Variants in NHSL2 observed in about 807,000 individuals in gnomAD.
NHSL2 encodes the protein NHS-like protein 2.
NHSL2 carries 27 observed loss-of-function variants against 53.4 expected under a neutral mutation model. The ratio of observed to expected loss-of-function variants is 0.51; its 90% CI spans 0.37 to 0.70. The LOEUF (loss-of-function observed/expected upper bound fraction) is 0.70, where lower values mean the gene tolerates loss of function less well. NHSL2 is among the 30% of genes least tolerant of loss of function. NHSL2 has a pLI of 0.00. For missense variants in NHSL2, 892 were observed against 980.1 expected (o/e 0.91, Z 1.20); for synonymous variants, 408 against 404.1 (o/e 1.01, Z -0.12).
At chrX:72,112,984 C>T (rs1039379074) in intron 1 of NHSL2, among the ~76,000 whole-genome samples, 2 of 111,681 alleles carry the variant, frequency 1.8e-5, no homozygotes, top group East Asian at 2.8e-4. Flanking sequence ...GCTACCATGC[C>T]CAAACTTTAT....
At chrX:72,143,161 C>A in intron 7 of NHSL2, 92 bp from the exon 8 acceptor site, 1 of 615,244 alleles carries the variant, frequency 1.6e-6, no homozygotes, top group Non-Finnish European at 2.5e-6. Context: ...GCAGGGCTGC[C>A]GCCTGGATTG....
At chrX:72,054,107 G>A (rs1271358866) in intron 1 of NHSL2, among the ~76,000 whole-genome samples, 1 of 111,500 alleles carries the variant, frequency 9.0e-6, no homozygotes, top group African/African-American at 3.3e-5. Flanking sequence ...CTCTGCTGTA[G>A]GTGCCAGGGA....
intron 1 of NHSL2, among the ~76,000 whole-genome samples, chrX:71,990,372 G>A (rs1164813277): frequency 9.0e-6 from 1 of 110,906 alleles, no homozygotes; most frequent in Non-Finnish European, 1.9e-5. Flanking sequence ...ACATTTGGAC[G>A]TTCCCACCCA....
intron 1 of NHSL2, among the ~76,000 whole-genome samples, chrX:72,087,926 C>T (rs1008126815): frequency 2.7e-5 from 3 of 110,790 alleles, no homozygotes; most frequent in Non-Finnish European, 5.7e-5. Context: ...TAGTTCTGGC[C>T]GGGTGCAGTG....
intron 1 of NHSL2, among the ~76,000 whole-genome samples, chrX:71,990,514 GC>G (rs1427177848): frequency 9.1e-6 from 1 of 110,073 alleles, no homozygotes; most frequent in Non-Finnish European, 1.9e-5. Flanking sequence ...TCACCCGTGG[GC>G]CACCCCTTCT....
chrX:72,129,972 T>C (rs1355660924), intron 1 of NHSL2: 2 of 1,211,155 alleles, frequency 1.7e-6, no homozygotes, highest in African/African-American at 1.7e-5. Flanking sequence ...TGTAGAATGG[T>C]GAATTGGTGC....
intron 1 of NHSL2, among the ~76,000 whole-genome samples, chrX:72,096,865 G>A (rs1163869501): frequency 3.6e-5 from 4 of 111,648 alleles, no homozygotes; most frequent in African/African-American, 1.3e-4. Flanking sequence ...TCACGCGATC[G>A]TCCTGCCTCA....
chrX:72,143,611 T>G lies in NHSL2; in HGVS notation c.*37T>G, dbSNP rs1165364305. 8 of 938,924 alleles carry G rather than the reference T, an allele frequency of 8.5e-6. No homozygotes were observed. In the South Asian group the frequency reaches 2.0e-4, roughly 23 times the overall value. The allele number at this position is 938,924 out of a possible 1,213,427, so 77.4% of individuals were successfully genotyped here. ...AACAAGCAGGGTTTACTTACTAAAC[T>G]TGAGTAGAGAAGGGGGAAGAGAAAG... is the stretch of plus-strand genomic sequence containing the variant. On this transcript the variant is annotated 3_prime_UTR_variant, in exon 8 of 8. Coordinates refer to ENST00000633930, the MANE Select transcript of NHSL2 (RefSeq NM_001013627.3).
intron 1 of NHSL2, among the ~76,000 whole-genome samples, chrX:71,999,722 G>C (rs1167679754): frequency 3.6e-5 from 4 of 111,480 alleles, no homozygotes; most frequent in African/African-American, 1.3e-4. Context: ...GGGGAAGCTG[G>C]GTAAAGGGTA....
chrX:71,911,139 C>G lies in NHSL2; in HGVS notation c.52C>G (p.Pro18Ala). 1.8e-6 allele frequency: 2 copies of G among 1,117,601 alleles called. No individual in the cohort carries two copies. The highest frequency in any genetic ancestry group is 2.3e-6 in the Non-Finnish European group (2 of 853,121). 92.1% of individuals were successfully genotyped at this position (1,117,601 alleles called of 1,213,427 possible). The change falls in exon 1 of 8, where the codon CCG becomes GCG. Residue 18 changes from proline to alanine, a missense_variant. Physicochemically the swap from Pro to Ala is conservative, Grantham distance 27 (BLOSUM62 -1). Transcript: ENST00000633930. ...VVPQRLCPRN[P>A]PQQLAELRDV... Reference sequence around the variant, plus strand: ...ACCCCAGCGCCTGTGCCCGCGCAACCCGCCGCAGCAGCTGGCGGAGCTCCG... The same window carrying G: ...ACCCCAGCGCCTGTGCCCGCGCAACGCGCCGCAGCAGCTGGCGGAGCTCCG...
intron 1 of NHSL2, among the ~76,000 whole-genome samples, chrX:71,970,501 C>T (rs200909814): frequency 4.5e-5 from 5 of 111,326 alleles, no homozygotes; most frequent in East Asian, 5.6e-4. Flanking sequence ...TCTAAGTTAC[C>T]GAATTTGTTG....
intron 1 of NHSL2, among the ~76,000 whole-genome samples, chrX:72,085,704 G>GTTTTTT (rs796666989): frequency 3.6e-5 from 3 of 82,671 alleles, no homozygotes; most frequent in African/African-American, 8.2e-5. Context: ...GAAATTCTTT[G>GTTTTTT]TTTTTTTTTT....
intron 1 of NHSL2, among the ~76,000 whole-genome samples, chrX:72,059,553 T>G (rs1486248288): frequency 1.8e-5 from 2 of 112,264 alleles, no homozygotes; most frequent in Non-Finnish European, 3.8e-5. Context: ...CCTCTTTGCC[T>G]AGAATGTCCT....
At chrX:72,112,390 T>A (rs1288679549) in intron 1 of NHSL2, among the ~76,000 whole-genome samples, 2 of 112,023 alleles carry the variant, frequency 1.8e-5, no homozygotes, top group Non-Finnish European at 3.8e-5. Context: ...ATGCATACAA[T>A]TCAGTGACTC....
intron 1 of NHSL2, among the ~76,000 whole-genome samples, chrX:72,112,538 C>T (rs1030835687): frequency 2.7e-5 from 3 of 111,762 alleles, no homozygotes; most frequent in African/African-American, 9.8e-5. Context: ...CCACTAGTGA[C>T]CACTAATCAA....
chrX:72,058,494 G>A (rs1020494631), intron 1 of NHSL2, among the ~76,000 whole-genome samples: 2 of 111,527 alleles, frequency 1.8e-5, no homozygotes, highest in Admixed American at 9.4e-5. Context: ...ACAGGCACGC[G>A]CCACCACGCC....
intron 1 of NHSL2, among the ~76,000 whole-genome samples, chrX:71,924,659 A>G (rs1037731157): frequency 4.5e-5 from 5 of 112,163 alleles, no homozygotes; most frequent in South Asian, 3.7e-4. Context: ...TCTGATCCCA[A>G]TACATTTAGA....
At chrX:71,964,703 A>G (rs2041893546) in intron 1 of NHSL2, among the ~76,000 whole-genome samples, 1 of 112,051 alleles carries the variant, frequency 8.9e-6, no homozygotes, top group Non-Finnish European at 1.9e-5. Flanking sequence ...TGAACTAGCC[A>G]GCTTACAGTT....
chrX:72,071,842 T>A, intron 1 of NHSL2, among the ~76,000 whole-genome samples: 1 of 112,442 alleles, frequency 8.9e-6, no homozygotes, highest in East Asian at 2.8e-4. Flanking sequence ...TTTTCACTCA[T>A]CCATCTATCT....
Sources: allele counts gnomAD v4.1 joint callset (sites outside exome capture counted in the v4.1 genomes callset), GRCh38; gene constraint gnomAD v4.1.1; transcripts MANE v1.5; gene names NCBI Gene and HGNC (gene_info 2026-07-23, HGNC 2026-07-21).